CDKL1: variants seen among roughly 807,000 people sequenced by gnomAD.
CDKL1 encodes cyclin-dependent kinase-like 1.
Under a neutral mutation model 42.0 loss-of-function variants are expected in CDKL1, and 41 were observed. The observed-to-expected ratio is 0.98, with a 90% CI of 0.76 to 1.27. The LOEUF is 1.27. CDKL1 is among the 50% of genes most tolerant of loss of function. The pLI, the probability that CDKL1 is intolerant of heterozygous loss-of-function variation, is 0.00. For missense variants in CDKL1, 394 were observed against 428.4 expected, an observed-to-expected ratio of 0.92 and a Z score of 0.71; for synonymous variants, 153 against 158.6, an observed-to-expected ratio of 0.96 and a Z score of 0.26.
At chr14:50,336,100 C>G (rs767213592) in intron 7 of CDKL1, 10 of 1,366,172 alleles carry the variant, frequency 7.3e-6, no homozygotes, top group Middle Eastern at 4.2e-4. Context: ...GCTGTCTCAG[C>G]AACAATGTCT....
chr14:50,329,862 C>A lies in CDKL1; in HGVS notation c.*212G>T, dbSNP rs1262830716. ...ACTGAAATACAAGTGCAACTCCAAACAGGTTTTTTCTTTTCTGGACACCAT... is the reference window on the plus strand; with the variant it reads ...ACTGAAATACAAGTGCAACTCCAAAAAGGTTTTTTCTTTTCTGGACACCAT... On this transcript the variant is annotated 3_prime_UTR_variant, in exon 10 of 10. Coordinates refer to ENST00000395834, the MANE Select transcript of CDKL1 (RefSeq NM_004196.7). The A allele has an allele frequency of 3.0e-5, 16 of 541,492 alleles. No individual in the cohort carries two copies. The highest frequency in any genetic ancestry group is 1.6e-5 in the Non-Finnish European group (5 of 319,902). The allele number at this position is 541,492 out of a possible 1,614,324, so 33.5% of individuals were successfully genotyped here.
At chr14:50,331,953 C>T (rs2032966898) in intron 9 of CDKL1, 2 of 1,338,256 alleles carry the variant, frequency 1.5e-6, no homozygotes, top group Admixed American at 2.8e-5. Context: ...ATTTCATTTT[C>T]CAAAGCCCAA....
At chr14:50,380,224 GA>G in intron 2 of CDKL1, 1 of 532,534 alleles carries the variant, frequency 1.9e-6, no homozygotes, top group Non-Finnish European at 3.9e-6. Flanking sequence ...TAGTAAATCC[GA>G]AGCAAAACTG....
At chr14:50,377,672 C>A (rs1467415907) in intron 2 of CDKL1, 2 of 1,346,152 alleles carry the variant, frequency 1.5e-6, no homozygotes, top group Admixed American at 2.0e-5. Flanking sequence ...TGTAGCAACA[C>A]AGTCACTAAG....
chr14:50,334,524 T>G (rs1244852705), intron 8 of CDKL1, 41 bp downstream of exon 8: 1 of 1,108,962 alleles, frequency 9.0e-7, no homozygotes, highest in Non-Finnish European at 1.4e-6. Context: ...TGATGACAAC[T>G]GCTGTGTGCT....
At chr14:50,336,000 C>T in intron 7 of CDKL1, 1 of 1,366,816 alleles carries the variant, frequency 7.3e-7, no homozygotes, top group Non-Finnish European at 9.8e-7. Flanking sequence ...CACTCATGCT[C>T]CATAGCTTAA....
At chr14:50,363,044 G>A (rs1190343643) in intron 2 of CDKL1, 2 of 432,986 alleles carry the variant, frequency 4.6e-6, no homozygotes, top group Non-Finnish European at 5.0e-6. Flanking sequence ...CCCACTGGGA[G>A]GAAAGAACAA....
rs2033508012 is a variant in CDKL1 at position 50,341,192 on chromosome 14, C to T, written c.495G>A (p.Arg165=). 2 of 1,614,020 alleles carry T rather than the reference C, an allele frequency of 1.2e-6. No homozygotes were observed. The highest frequency in any genetic ancestry group is 1.3e-5 in the African/African-American group (1 of 74,928). Residue 165 remains arginine (R), a synonymous_variant, in exon 6 of 10, where the codon AGG becomes AGA. Coordinates refer to ENST00000395834, the MANE Select transcript of CDKL1 (RefSeq NM_004196.7). ...SDYYTDYVAT[R]WYRSPELLVG... The stretch of plus-strand genomic sequence containing the variant: ...CCAGCAGCTCAGGGGAGCGGTACCA[C>T]CTGGTAGCCACGTAGTCTGTATAGT...
intron 2 of CDKL1, chr14:50,390,028 C>G (rs559135490): frequency 8.3e-6 from 5 of 602,012 alleles, no homozygotes; most frequent in African/African-American, 7.5e-5. Context: ...ATTAGTGTAA[C>G]GATATCTACC....
rs1446004505 is a variant in CDKL1, at chr14:50,368,929, CA to C, written c.169-9781del. 2.7e-5 allele frequency among the ~76,000 whole-genome samples: 4 copies of C among 148,170 alleles called. No homozygotes were observed. The East Asian group carries it at 8.2e-4, about 30-fold the overall frequency. ...TCACCCAGGCTGGAGTGCAGTGGCA[CA>C]ATCTCGGCTCACCACAACCTCCACC... On this transcript the variant is annotated intron_variant, in intron 2 of 9. Coordinates refer to ENST00000395834, the MANE Select transcript of CDKL1 (RefSeq NM_004196.7).
At chr14:50,396,912 T>C (rs913159231), upstream of CDKL1, 4 of 292,658 alleles carry the variant, frequency 1.4e-5, no homozygotes, top group Non-Finnish European at 2.4e-5. Context: ...GCGATCCCTA[T>C]GGGAACCGGC....
intron 3 of CDKL1, among the ~76,000 whole-genome samples, chr14:50,346,567 C>T (rs540243377): frequency 9.9e-4 from 150 of 151,840 alleles, no homozygotes; most frequent in African/African-American, 3.4e-3. Flanking sequence ...TTAAGGGATC[C>T]TCCTGCCTCA....
At chr14:50,388,238 C>T (rs144561554) in intron 2 of CDKL1, among the ~76,000 whole-genome samples, 75 of 152,322 alleles carry the variant, frequency 4.9e-4, no homozygotes, top group African/African-American at 1.6e-3. Flanking sequence ...ATTTGAAGAG[C>T]AGAAGCCCTT....
chr14:50,335,427 C>T, intron 7 of CDKL1: 1 of 1,485,504 alleles, frequency 6.7e-7, no homozygotes, highest in Non-Finnish European at 9.1e-7. Flanking sequence ...CTGTTGTCTC[C>T]TCCCACTAGG....
chr14:50,362,021 C>T (rs2034266201), intron 2 of CDKL1, among the ~76,000 whole-genome samples: 1 of 152,324 alleles, frequency 6.6e-6, no homozygotes, highest in Non-Finnish European at 1.5e-5. Flanking sequence ...GGCACTCTAG[C>T]GGCCCCCTGG....
intron 3 of CDKL1, chr14:50,358,035 C>T (rs1160001390): frequency 1.5e-6 from 2 of 1,353,378 alleles, no homozygotes; most frequent in Admixed American, 3.8e-5. Flanking sequence ...CTGCAAGAGG[C>T]TGCCCTCAAC....
At chr14:50,381,676 C>T (rs1010557927) in intron 2 of CDKL1, among the ~76,000 whole-genome samples, 12 of 152,110 alleles carry the variant, frequency 7.9e-5, no homozygotes, top group African/African-American at 2.9e-4. Context: ...ATGCAGCAAC[C>T]CTGTGATAAA....
At chr14:50,332,474 TG>T (rs1210100557) in intron 8 of CDKL1, 42 bp from the exon 9 acceptor site, 1 of 1,559,208 alleles carries the variant, frequency 6.4e-7, no homozygotes, top group Non-Finnish European at 8.6e-7. Context: ...TCTTCAAAAT[TG>T]TATTAACTTA....
chr14:50,386,789 A>G (rs1003251183), intron 2 of CDKL1, among the ~76,000 whole-genome samples: 15 of 152,022 alleles, frequency 9.9e-5, no homozygotes, highest in Non-Finnish European at 2.1e-4. Flanking sequence ...GGCTGGGCGC[A>G]GTGGCTCATG....
Sources: gnomAD v4.1 joint callset for allele counts (sites outside exome capture counted in the v4.1 genomes callset) on GRCh38, gnomAD v4.1.1 for gene constraint, MANE v1.5 for transcripts, NCBI Gene and HGNC (gene_info 2026-07-23, HGNC 2026-07-21) for gene names.